The following CTPS2 variants were observed in gnomAD, a reference collection of about 807,000 sequenced individuals.
The protein encoded by CTPS2 is CTP synthase 2, also known as CTP synthase II.
In CTPS2, 19 loss-of-function variants were observed where a neutral mutation model predicts 46.8. The ratio of observed to expected loss-of-function variants is 0.41; its 90% CI spans 0.28 to 0.60. The LOEUF (loss-of-function observed/expected upper bound fraction) is 0.60. Among genes scored for constraint, CTPS2 ranks in the 20% least tolerant of loss-of-function variants. The pLI, the probability that CTPS2 is intolerant of heterozygous loss-of-function variation, is 0.35. For missense variants in CTPS2, 286 were observed against 447.6 expected, an observed-to-expected ratio of 0.64 and a Z score of 3.26; for synonymous variants, 151 against 165.2, an observed-to-expected ratio of 0.91 and a Z score of 0.66.
chrX:16,620,446 A>G, intron 14 of CTPS2, 114 bp from the exon 15 acceptor site: 1 of 510,525 alleles, frequency 2.0e-6, no homozygotes, highest in Middle Eastern at 3.4e-4. Flanking sequence ...GAGGACTAAA[A>G]ATGAACTAAT....
chrX:16,710,200 A>C (rs943318945), intron 1 of CTPS2, among the ~76,000 whole-genome samples: 2 of 112,015 alleles, frequency 1.8e-5, no homozygotes, highest in African/African-American at 6.5e-5. Flanking sequence ...CCTACCCCAT[A>C]CTGGGGAGGA....
At chrX:16,617,447 G>A (rs748262716) in intron 15 of CTPS2, among the ~76,000 whole-genome samples, 5 of 111,623 alleles carry the variant, frequency 4.5e-5, no homozygotes, top group Non-Finnish European at 9.4e-5. Context: ...AATCTAGGAG[G>A]TGCCTTCTAT....
At chrX:16,672,827 ACTGTCTCCTG>A (rs1921866390) in intron 10 of CTPS2, among the ~76,000 whole-genome samples, 1 of 106,253 alleles carries the variant, frequency 9.4e-6, no homozygotes, top group South Asian at 4.1e-4. Context: ...GGTAAAAATC[ACTGTCTCCTG>A]TGTAAAGTTT....
chrX:16,637,533 A>C (rs913704246), intron 14 of CTPS2, among the ~76,000 whole-genome samples: 1 of 112,788 alleles, frequency 8.9e-6, no homozygotes, highest in Non-Finnish European at 1.9e-5. Context: ...AATCAGACTT[A>C]TATCTATCAA....
chrX:16,689,634 TG>T, intron 7 of CTPS2, 33 bp from the exon 8 acceptor site: 1 of 1,168,523 alleles, frequency 8.6e-7, no homozygotes. Flanking sequence ...CATACTTAGA[TG>T]GATCTATTCA....
intron 2 of CTPS2, among the ~76,000 whole-genome samples, chrX:16,700,370 G>A (rs1336633662): frequency 2.7e-5 from 3 of 109,234 alleles, no homozygotes; most frequent in African/African-American, 6.7e-5. Context: ...ACCTGCTTCA[G>A]CCTCCCAAAA....
intron 13 of CTPS2, among the ~76,000 whole-genome samples, chrX:16,641,242 C>CA (rs1375802579): frequency 1.8e-5 from 2 of 112,011 alleles, no homozygotes; most frequent in Admixed American, 1.9e-4. Flanking sequence ...AAGTTTCAGA[C>CA]AACCTGAACC....
In CTPS2 at chrX:16,589,599, G is replaced by C. The variant is rs1928786617; in HGVS notation, c.*218C>G. Reference sequence around the variant, plus strand: ...AGCTACAGATATTTTAAGTACCAAAGGCTGCCTCTGGAGGGAAAAGAAAAC... The same window carrying C: ...AGCTACAGATATTTTAAGTACCAAACGCTGCCTCTGGAGGGAAAAGAAAAC... On this transcript the variant is annotated 3_prime_UTR_variant, in exon 19 of 19. Coordinates refer to ENST00000359276, the MANE Select transcript of CTPS2 (RefSeq NM_175859.3). 1 of 111,848 alleles carries C rather than the reference G, an allele frequency of 8.9e-6. No homozygotes were observed. The highest frequency in any genetic ancestry group is 9.6e-5 in the Admixed American group (1 of 10,462). The allele number at this position is 111,848 out of a possible 1,213,427, so 9.2% of individuals were successfully genotyped here. A position where few individuals can be genotyped will look rare whatever the true frequency, so the allele number is the denominator to read the frequency against.
chrX:16,702,108 G>A (rs1924628061), intron 2 of CTPS2, among the ~76,000 whole-genome samples: 1 of 111,194 alleles, frequency 9.0e-6, no homozygotes, highest in African/African-American at 3.3e-5. Flanking sequence ...AGGCTGGAGT[G>A]CAATGGCTCG....
At chrX:16,594,224 G>A (rs914509236) in intron 17 of CTPS2, among the ~76,000 whole-genome samples, 1 of 111,158 alleles carries the variant, frequency 9.0e-6, no homozygotes, top group African/African-American at 3.3e-5. Context: ...AGGACTGAGG[G>A]AACTTCATTT....
At chrX:16,685,446 C>G (rs1404434169) in intron 8 of CTPS2, among the ~76,000 whole-genome samples, 1 of 110,733 alleles carries the variant, frequency 9.0e-6, no homozygotes, top group Non-Finnish European at 1.9e-5. Flanking sequence ...CCTCATGTGC[C>G]CCACTCAGCC....
chrX:16,625,296 C>A (rs1931067737), intron 14 of CTPS2, among the ~76,000 whole-genome samples: 1 of 112,642 alleles, frequency 8.9e-6, no homozygotes, highest in Non-Finnish European at 1.9e-5. Flanking sequence ...CATAAAAGGA[C>A]AAATACTGTA....
chrX:16,611,623 A>G (rs1482065909), intron 16 of CTPS2, among the ~76,000 whole-genome samples: 1 of 111,584 alleles, frequency 9.0e-6, no homozygotes, highest in Non-Finnish European at 1.9e-5. Context: ...AAACATGTTC[A>G]AAGTTACATG....
At chrX:16,606,136 C>T (rs1300726304) in intron 17 of CTPS2, among the ~76,000 whole-genome samples, 1 of 112,769 alleles carries the variant, frequency 8.9e-6, no homozygotes, top group African/African-American at 3.2e-5. Flanking sequence ...ACACTCCATG[C>T]TTTAAAGACA....
rs142757741 is a variant in CTPS2, at chrX:16,588,487, A to G, written c.*1330T>C. 3.5e-3 allele frequency: 392 copies of G among 111,826 alleles called. 2 individuals are homozygous for G. The highest frequency in any genetic ancestry group is 0.012 in the African/African-American group (376 of 30,816). 9.2% of individuals were successfully genotyped at this position (111,826 alleles called of 1,213,427 possible). On this transcript the variant is annotated 3_prime_UTR_variant, in exon 19 of 19. Transcript: ENST00000359276. ...TTAGCAGGTATGGTGTCAATGAGGT[A>G]GTAGTATGGGTTTTGTGATCAGTGG...
At chrX:16,606,927 C>G (rs1930007093) in intron 17 of CTPS2, among the ~76,000 whole-genome samples, 1 of 112,114 alleles carries the variant, frequency 8.9e-6, no homozygotes, top group South Asian at 3.7e-4. Flanking sequence ...AATTTTTGTA[C>G]ATTTAGTAGA....
chrX:16,649,350 C>A (rs145649007), intron 13 of CTPS2, among the ~76,000 whole-genome samples: 4,207 of 112,490 alleles, frequency 0.037, 213 homozygotes, highest in African/African-American at 0.13. Context: ...CTTTCCACTT[C>A]TTAAACCTGC....
chrX:16,711,423 T>C (rs756562527), intron 1 of CTPS2: 1 of 111,318 alleles, frequency 9.0e-6, no homozygotes, highest in Non-Finnish European at 1.9e-5. Flanking sequence ...CAGGCAGGCC[T>C]AGAGCAAATA....
chrX:16,669,887 G>T (rs1228161185), intron 11 of CTPS2, among the ~76,000 whole-genome samples: 1 of 110,194 alleles, frequency 9.1e-6, no homozygotes, highest in African/African-American at 3.3e-5. Context: ...TGGTTTCCCT[G>T]GTACAGAAGC....
Sources: allele counts gnomAD v4.1 joint callset (sites outside exome capture counted in the v4.1 genomes callset), GRCh38; gene constraint gnomAD v4.1.1; transcripts MANE v1.5; gene names NCBI Gene and HGNC (gene_info 2026-07-23, HGNC 2026-07-21).